The following CALN1 variants were observed in gnomAD, a reference collection of about 807,000 sequenced individuals.
CALN1 encodes calneuron 1.
CALN1 carries 17 observed loss-of-function variants against 30.6 expected under a neutral mutation model. The observed-to-expected ratio is 0.56, with a 90% confidence interval of 0.38 to 0.83. The LOEUF (loss-of-function observed/expected upper bound fraction) is 0.83, where lower values mean the gene tolerates loss of function less well. Ranked by LOEUF, CALN1 falls within the 40% of genes least tolerant of loss-of-function variation. The pLI, the probability that CALN1 is intolerant of heterozygous loss-of-function variation, is 0.00. For missense variants in CALN1, 291 were observed against 354.9 expected, an observed-to-expected ratio of 0.82 and a Z score of 1.45; for synonymous variants, 156 against 131.4, an observed-to-expected ratio of 1.19 and a Z score of -1.28.
intron 5 of CALN1, among the ~76,000 whole-genome samples, chr7:71,997,296 AAATC>A (rs1799303574): frequency 6.6e-6 from 1 of 152,198 alleles, no homozygotes; most frequent in Non-Finnish European, 1.5e-5. Context: ...AAACTGAAAA[AAATC>A]AAAATGTACT....
chr7:72,265,438 G>A (rs1197084770), intron 3 of CALN1, among the ~76,000 whole-genome samples: 2 of 152,178 alleles, frequency 1.3e-5, no homozygotes, highest in East Asian at 3.8e-4. Flanking sequence ...AGAAACAATA[G>A]TGTCAGTGAA....
intron 3 of CALN1, among the ~76,000 whole-genome samples, chr7:72,148,150 A>AG (rs1478683566): frequency 6.6e-6 from 1 of 151,486 alleles, no homozygotes; most frequent in Non-Finnish European, 1.5e-5. Flanking sequence ...AACAGAAAAA[A>AG]AAAAAAGAAA....
intron 4 of CALN1, among the ~76,000 whole-genome samples, chr7:72,061,034 G>A (rs535768685): frequency 1.3e-5 from 2 of 152,274 alleles, no homozygotes; most frequent in Admixed American, 6.5e-5. Context: ...GGTGGAGCAC[G>A]AGCAGAACAG....
At chr7:72,032,385 C>T (rs1801515429) in intron 4 of CALN1, among the ~76,000 whole-genome samples, 2 of 152,246 alleles carry the variant, frequency 1.3e-5, no homozygotes, top group African/African-American at 2.4e-5. Context: ...GAGACAGGGT[C>T]TCACTATGTT....
intron 3 of CALN1, among the ~76,000 whole-genome samples, chr7:72,113,392 C>T (rs1175771117): frequency 1.3e-5 from 2 of 152,202 alleles, no homozygotes; most frequent in Non-Finnish European, 2.9e-5. Flanking sequence ...TCCTCACCAG[C>T]AGCCAAGCAA....
chr7:72,086,367 C>A (rs1164749002), intron 4 of CALN1, among the ~76,000 whole-genome samples: 2 of 152,060 alleles, frequency 1.3e-5, no homozygotes, highest in Non-Finnish European at 2.9e-5. Flanking sequence ...TTTCGCCTAA[C>A]CCTGGTATTA....
the CALN1 span, among the ~76,000 whole-genome samples, chr7:72,499,841 CTTT>C: frequency 7.9e-5 from 2 of 25,238 alleles, no homozygotes; most frequent in Non-Finnish European, 1.4e-4. Flanking sequence ...TTCTTTCTTT[CTTT>C]CTTTCTTTCT....
chr7:72,079,761 CTTTTTTTTT>C (rs3065015), intron 4 of CALN1, among the ~76,000 whole-genome samples: 16,633 of 104,096 alleles, frequency 0.16, 1,995 homozygotes, highest in East Asian at 0.68. Flanking sequence ...TGCCTTTTTC[CTTTTTTTTT>C]TTTTTTTTTT....
intron 3 of CALN1, among the ~76,000 whole-genome samples, chr7:72,189,879 G>C (rs1189363231): frequency 6.6e-6 from 1 of 152,072 alleles, no homozygotes; most frequent in Non-Finnish European, 1.5e-5. Flanking sequence ...TTCTTTACTG[G>C]GGCATAGGAT....
chr7:72,199,731 T>C (rs535498828), intron 3 of CALN1, among the ~76,000 whole-genome samples: 2 of 152,180 alleles, frequency 1.3e-5, no homozygotes, highest in East Asian at 3.9e-4. Flanking sequence ...CCTGTAGTCC[T>C]AGCTACTTGG....
intron 5 of CALN1, among the ~76,000 whole-genome samples, chr7:71,913,368 C>T (rs192360877): frequency 6.6e-6 from 1 of 152,020 alleles, no homozygotes; most frequent in Non-Finnish European, 1.5e-5. Flanking sequence ...CCTTTAGTGG[C>T]AAATTCTTCA....
intron 1 of CALN1, among the ~76,000 whole-genome samples, chr7:72,406,809 T>C (rs1330531461): frequency 1.3e-5 from 2 of 151,874 alleles, no homozygotes; most frequent in African/African-American, 2.4e-5. Context: ...TAGAGACGGG[T>C]TTCACCATCT....
chr7:72,145,162 A>G (rs1482285314), intron 3 of CALN1, among the ~76,000 whole-genome samples: 1 of 152,208 alleles, frequency 6.6e-6, no homozygotes, highest in Non-Finnish European at 1.5e-5. Context: ...AAACCCTTCA[A>G]AAAATCAATG....
rs1792845404 is a variant in CALN1, at chr7:71,783,809, T to C, written c.*3966A>G. The C allele has an allele frequency of 6.5e-6, 1 of 152,672 alleles. No homozygotes were observed. Among genetic ancestry groups the C allele is most frequent in the African/African-American group, 2.4e-5 (1 of 41,468 alleles). The allele number at this position is 152,672 out of a possible 1,614,324, so 9.5% of individuals were successfully genotyped here. A position where few individuals can be genotyped will look rare whatever the true frequency, so the allele number is the denominator to read the frequency against. ...AATGGGAAGTTGGGAGGGGCATTAT[T>C]GTCAAAAGCAGCTGTCCATTTTTCA... On this transcript the variant is annotated 3_prime_UTR_variant, in exon 7 of 7. Transcript: ENST00000395275.
intron 2 of CALN1, among the ~76,000 whole-genome samples, chr7:72,360,126 A>G (rs1225020489): frequency 6.6e-6 from 1 of 152,138 alleles, no homozygotes; most frequent in Non-Finnish European, 1.5e-5. Flanking sequence ...GTTTTAAAAC[A>G]AACTATAAAG....
At chr7:72,413,258 A>G (rs1328212742), upstream of CALN1, among the ~76,000 whole-genome samples, 1 of 151,522 alleles carries the variant, frequency 6.6e-6, no homozygotes, top group African/African-American at 2.4e-5. Context: ...ATACACACAT[A>G]TACATTCACA....
At chr7:72,221,268 G>C (rs1233313985) in intron 3 of CALN1, among the ~76,000 whole-genome samples, 2 of 151,590 alleles carry the variant, frequency 1.3e-5, no homozygotes, top group Non-Finnish European at 2.9e-5. Flanking sequence ...CGAAAACGTG[G>C]AGACGCGATG....
the CALN1 span, among the ~76,000 whole-genome samples, chr7:72,474,509 A>C: frequency 6.6e-6 from 1 of 152,006 alleles, no homozygotes; most frequent in Non-Finnish European, 1.5e-5. Flanking sequence ...AACATAGTCA[A>C]GCCCTGTCTC....
intron 5 of CALN1, among the ~76,000 whole-genome samples, chr7:71,874,158 C>G (rs1792107531): frequency 6.6e-6 from 1 of 151,590 alleles, no homozygotes; most frequent in Non-Finnish European, 1.5e-5. Context: ...ACCTGTAGTA[C>G]CAGCTATTTG....
Sources: gnomAD v4.1 joint callset for allele counts (sites outside exome capture counted in the v4.1 genomes callset) on GRCh38, gnomAD v4.1.1 for gene constraint, MANE v1.5 for transcripts, NCBI Gene and HGNC (gene_info 2026-07-23, HGNC 2026-07-21) for gene names.